The following DPP6 variants were observed in gnomAD, a reference collection of about 807,000 sequenced individuals.
DPP6 encodes the protein A-type potassium channel modulatory protein DPP6.
In DPP6, 69 loss-of-function variants were observed where a neutral mutation model predicts 122.6. The observed-to-expected ratio is 0.56, with a 90% CI of 0.46 to 0.69. DPP6 has a LOEUF of 0.69. Among genes scored for constraint, DPP6 ranks in the 30% least tolerant of loss-of-function variants. The pLI is 0.00. For synonymous variants in DPP6, 418 were observed against 433.1 expected, an observed-to-expected ratio of 0.97 and a Z score of 0.43; for missense variants, 928 against 1,116.9, an observed-to-expected ratio of 0.83 and a Z score of 2.41.
At chr7:154,847,983 T>A (rs917669531) in intron 16 of DPP6, among the ~76,000 whole-genome samples, 1 of 152,258 alleles carries the variant, frequency 6.6e-6, no homozygotes, top group African/African-American at 2.4e-5. Flanking sequence ...TCATCTGTGT[T>A]GTCACAAATG....
chr7:154,546,741 G>A (rs1028673546), intron 4 of DPP6, among the ~76,000 whole-genome samples: 1 of 152,080 alleles, frequency 6.6e-6, no homozygotes, highest in East Asian at 1.9e-4. Flanking sequence ...ACATAAATAG[G>A]CAAGTATTAT....
At chr7:154,124,284 A>G (rs1453743057) in intron 1 of DPP6, among the ~76,000 whole-genome samples, 2 of 152,216 alleles carry the variant, frequency 1.3e-5, no homozygotes, top group Non-Finnish European at 2.9e-5. Flanking sequence ...TTAAGGAAGA[A>G]TCCCTTGGCT....
chr7:154,494,981 G>C (rs1415944459), intron 3 of DPP6, among the ~76,000 whole-genome samples: 1 of 152,184 alleles, frequency 6.6e-6, no homozygotes, highest in Non-Finnish European at 1.5e-5. Context: ...TCCTGCTGTA[G>C]GAGCTTAGAG....
intron 2 of DPP6, among the ~76,000 whole-genome samples, chr7:154,473,052 T>A (rs544937480): frequency 6.6e-6 from 1 of 152,206 alleles, no homozygotes; most frequent in South Asian, 2.1e-4. Flanking sequence ...ATAGATACCT[T>A]AAGTTGCATG....
chr7:154,553,492 T>C (rs1037535435), intron 4 of DPP6, among the ~76,000 whole-genome samples: 1 of 152,168 alleles, frequency 6.6e-6, no homozygotes, highest in South Asian at 2.1e-4. Flanking sequence ...GACTAAAGAA[T>C]CCTAAACACT....
intron 1 of DPP6, among the ~76,000 whole-genome samples, chr7:153,956,888 A>T (rs985107861): frequency 2.0e-5 from 3 of 152,196 alleles, no homozygotes; most frequent in Non-Finnish European, 4.4e-5. Flanking sequence ...GGAATCGGTT[A>T]GTTCTAACCA....
At chr7:154,347,407 T>C (rs948088585) in intron 1 of DPP6, among the ~76,000 whole-genome samples, 1 of 152,228 alleles carries the variant, frequency 6.6e-6, no homozygotes, top group African/African-American at 2.4e-5. Flanking sequence ...TGCAAATCCT[T>C]TCATCTGCAT....
intron 16 of DPP6, among the ~76,000 whole-genome samples, chr7:154,839,479 C>T (rs1801344503): frequency 6.6e-6 from 1 of 152,222 alleles, no homozygotes; most frequent in African/African-American, 2.4e-5. Flanking sequence ...CTGTTTATTC[C>T]TCTGTGAAAT....
At chr7:154,226,871 C>T (rs1563339485) in intron 1 of DPP6, among the ~76,000 whole-genome samples, 1 of 152,076 alleles carries the variant, frequency 6.6e-6, no homozygotes, top group Non-Finnish European at 1.5e-5. Flanking sequence ...TCCTTATCTC[C>T]TTGAATCTCT....
intron 3 of DPP6, among the ~76,000 whole-genome samples, chr7:154,509,305 T>G (rs1261996413): frequency 2.0e-5 from 3 of 152,174 alleles, no homozygotes; most frequent in Non-Finnish European, 4.4e-5. Context: ...TATTCCAATT[T>G]AAAAATGGGC....
intron 8 of DPP6, among the ~76,000 whole-genome samples, chr7:154,754,821 T>C (rs1461140488): frequency 6.6e-6 from 1 of 152,194 alleles, no homozygotes; most frequent in Non-Finnish European, 1.5e-5. Context: ...TTCATGTCCT[T>C]TGCAGGGACA....
At chr7:154,779,015 C>G (rs1314385911) in intron 10 of DPP6, among the ~76,000 whole-genome samples, 57 of 2,846 alleles carry the variant, frequency 0.02, no homozygotes, top group African/African-American at 0.074. Flanking sequence ...CCACCAGCAC[C>G]CCACCATCAC....
intron 5 of DPP6, among the ~76,000 whole-genome samples, chr7:154,608,319 T>TTATA (rs1563922092): frequency 4.9e-5 from 4 of 81,376 alleles, no homozygotes; most frequent in Admixed American, 4.4e-4. Flanking sequence ...TTAGGAGTGA[T>TTATA]CATATATATA....
intron 1 of DPP6, among the ~76,000 whole-genome samples, chr7:153,982,485 A>G (rs1029263837): frequency 6.6e-6 from 1 of 152,062 alleles, no homozygotes; most frequent in Non-Finnish European, 1.5e-5. Flanking sequence ...GCATTGGGTT[A>G]GAACATGCTC....
chr7:154,389,457 T>C (rs1814421562), intron 1 of DPP6, among the ~76,000 whole-genome samples: 1 of 152,200 alleles, frequency 6.6e-6, no homozygotes, highest in Admixed American at 6.5e-5. Context: ...TTAAATTTTT[T>C]TTTTCACTGC....
chr7:154,224,814 T>C (rs1432242408), intron 1 of DPP6, among the ~76,000 whole-genome samples: 1 of 149,250 alleles, frequency 6.7e-6, no homozygotes, highest in Non-Finnish European at 1.5e-5. Context: ...TTGCAACATA[T>C]GATCAGTTCC....
Position 154,417,770 on chromosome 7 carries a change from A to G in DPP6, c.244-28444A>G, listed in dbSNP as rs959341906. Among the ~76,000 whole-genome samples the G allele has an allele frequency of 3.3e-5, 5 of 152,212 alleles. No homozygotes were observed. In the South Asian group the frequency reaches 1.0e-3, roughly 32 times the overall value. The stretch of plus-strand genomic sequence containing the variant: ...TTCCCATCTGCATTTAGTCCTCCCC[A>G]TCTTCATGGCTACTCTGTGCCAGCT... On this transcript the variant is annotated intron_variant, in intron 1 of 25. Transcript: ENST00000377770.
intron 8 of DPP6, among the ~76,000 whole-genome samples, chr7:154,741,236 T>C (rs1353821869): frequency 6.6e-6 from 1 of 152,214 alleles, no homozygotes; most frequent in Non-Finnish European, 1.5e-5. Flanking sequence ...AGTGGGAGAC[T>C]GGACATGCAG....
At chr7:154,697,869 C>T (rs887683655) in intron 7 of DPP6, among the ~76,000 whole-genome samples, 3 of 152,110 alleles carry the variant, frequency 2.0e-5, no homozygotes, top group South Asian at 2.1e-4. Flanking sequence ...AGGTCTTTCC[C>T]GTAACTTGTG....
Sources: gnomAD v4.1 joint callset for allele counts (sites outside exome capture counted in the v4.1 genomes callset) on GRCh38, gnomAD v4.1.1 for gene constraint, MANE v1.5 for transcripts, NCBI Gene and HGNC (gene_info 2026-07-23, HGNC 2026-07-21) for gene names.